Variants in DZANK1 observed in about 807,000 individuals in gnomAD.
DZANK1 encodes the protein double zinc ribbon and ankyrin repeat-containing protein 1.
In DZANK1, 91 loss-of-function variants were observed where a neutral mutation model predicts 94.5. The observed-to-expected ratio is 0.96, with a 90% CI of 0.81 to 1.15. The LOEUF is 1.15. Ranked by LOEUF, DZANK1 falls within the 50% of genes most tolerant of loss-of-function variation. The pLI is 0.00. For synonymous variants in DZANK1, 312 were observed against 325.3 expected (o/e 0.96, Z 0.44); for missense variants, 903 against 916.4 (o/e 0.99, Z 0.19).
intron 9 of DZANK1, among the ~76,000 whole-genome samples, chr20:18,427,553 T>C (rs191070436): frequency 9.2e-5 from 14 of 152,210 alleles, no homozygotes; most frequent in African/African-American, 3.1e-4. Context: ...AAAGTATTCG[T>C]TTGGTTTTCA....
intron 9 of DZANK1, chr20:18,433,449 G>C: frequency 1.9e-6 from 1 of 520,070 alleles, no homozygotes; most frequent in East Asian, 3.5e-5. Context: ...GGCTGAGGCA[G>C]GAGAATCACT....
In DZANK1 at chr20:18,452,716, C is replaced by A. The variant is rs758329893; in HGVS notation, c.476-34G>T. ...TGAAGATCTTTCAAAGTTTTAGGGTCAGTTCTTTCACCTACCTGGACGTCT... is the reference window on the plus strand; with the variant it reads ...TGAAGATCTTTCAAAGTTTTAGGGTAAGTTCTTTCACCTACCTGGACGTCT... On this transcript the variant is annotated intron_variant, in intron 5 of 20. Transcript: ENST00000262547. The A allele has an allele frequency of 5.7e-6, 9 of 1,591,672 alleles. No homozygotes were observed. In the Admixed American group the frequency reaches 1.6e-4, roughly 28 times the overall value.
chr20:18,416,424 T>C (rs918744229), intron 10 of DZANK1, among the ~76,000 whole-genome samples: 2 of 152,178 alleles, frequency 1.3e-5, no homozygotes, highest in Non-Finnish European at 2.9e-5. Flanking sequence ...AATTTCACTT[T>C]TATTCCCCGC....
At chr20:18,466,427 A>C (rs1406213677) in intron 1 of DZANK1, among the ~76,000 whole-genome samples, 1 of 152,120 alleles carries the variant, frequency 6.6e-6, no homozygotes, top group Non-Finnish European at 1.5e-5. Flanking sequence ...GGGGTACCTA[A>C]ATTTAAGGGG....
At chr20:18,393,652 A>C in intron 17 of DZANK1, 59 bp downstream of exon 17, 1 of 1,179,438 alleles carries the variant, frequency 8.5e-7, no homozygotes, top group East Asian at 2.4e-5. Flanking sequence ...AGGTCAAAAT[A>C]AAACCTGAAA....
chr20:18,428,600 T>C (rs1239119540), intron 9 of DZANK1: 1 of 152,270 alleles, frequency 6.6e-6, no homozygotes, highest in African/African-American at 2.4e-5. Flanking sequence ...AGAGGTTTTC[T>C]AACACGTTTA....
At chr20:18,387,908 C>T (rs1030776658) in intron 19 of DZANK1, among the ~76,000 whole-genome samples, 2 of 152,162 alleles carry the variant, frequency 1.3e-5, no homozygotes, top group Admixed American at 6.5e-5. Flanking sequence ...AGGAACAACT[C>T]GCTGAGCCTC....
At chr20:18,445,741 C>CA (rs1025575036) in intron 7 of DZANK1, among the ~76,000 whole-genome samples, 3 of 151,826 alleles carry the variant, frequency 2.0e-5, no homozygotes, top group Non-Finnish European at 4.4e-5. Context: ...ACCCCTGCCA[C>CA]AAAAAAATAT....
chr20:18,460,075 G>T (rs2059421834), intron 3 of DZANK1, 78 bp downstream of exon 3: 3 of 1,107,050 alleles, frequency 2.7e-6, no homozygotes, highest in Non-Finnish European at 3.7e-6. Flanking sequence ...CACTGATTCT[G>T]ATAGGAAAAA....
chr20:18,398,494 T>C (rs745687904), intron 14 of DZANK1, 29 bp downstream of exon 14: 12 of 1,605,750 alleles, frequency 7.5e-6, no homozygotes, highest in South Asian at 2.2e-5. Flanking sequence ...CCGTGGACAC[T>C]TGTGGAGTGG....
chr20:18,412,001 C>G (rs2057280017), intron 13 of DZANK1, among the ~76,000 whole-genome samples: 1 of 152,146 alleles, frequency 6.6e-6, no homozygotes, highest in Non-Finnish European at 1.5e-5. Flanking sequence ...AGGCACTGAT[C>G]TATTCATGAG....
chr20:18,388,764 G>A (rs1178410233), intron 19 of DZANK1, among the ~76,000 whole-genome samples: 1 of 152,194 alleles, frequency 6.6e-6, no homozygotes, highest in Non-Finnish European at 1.5e-5. Flanking sequence ...GGGGGTAGAA[G>A]CTATTAAAAT....
chr20:18,462,411 T>C (rs192248504), intron 2 of DZANK1, among the ~76,000 whole-genome samples: 69 of 152,304 alleles, frequency 4.5e-4, no homozygotes, highest in African/African-American at 1.4e-3. Flanking sequence ...TATTTTCATA[T>C]GTTTAAGAGA....
chr20:18,440,975 T>C (rs1028306182), intron 8 of DZANK1, among the ~76,000 whole-genome samples: 3 of 152,196 alleles, frequency 2.0e-5, no homozygotes, highest in South Asian at 4.1e-4. Context: ...AATATAACCC[T>C]GGAGCTACAA....
chr20:18,393,917 C>T (rs1030219455), intron 16 of DZANK1, 106 bp from the exon 17 acceptor site: 2 of 769,826 alleles, frequency 2.6e-6, no homozygotes, highest in Middle Eastern at 2.4e-4. Context: ...GATAAAATGG[C>T]TATCATAGAA....
At chr20:18,412,990 G>A in intron 12 of DZANK1, 137 bp from the exon 13 acceptor site, 1 of 806,330 alleles carries the variant, frequency 1.2e-6, no homozygotes, top group Non-Finnish European at 1.9e-6. Context: ...GGGTTTTCCA[G>A]CCTTTGCCTC....
chr20:18,439,532 A>C (rs995319873), intron 8 of DZANK1, among the ~76,000 whole-genome samples: 3 of 152,154 alleles, frequency 2.0e-5, no homozygotes, highest in Non-Finnish European at 4.4e-5. Flanking sequence ...CCTCTTACTG[A>C]AACATCATTA....
intron 3 of DZANK1, among the ~76,000 whole-genome samples, chr20:18,456,933 A>G (rs1275444278): frequency 1.3e-5 from 2 of 152,126 alleles, no homozygotes; most frequent in African/African-American, 4.8e-5. Context: ...TGAGGAGTGG[A>G]ATTGTTGGGT....
intron 3 of DZANK1, 98 bp from the exon 4 acceptor site, chr20:18,455,459 C>T: frequency 1.3e-6 from 1 of 759,048 alleles, no homozygotes; most frequent in Non-Finnish European, 2.2e-6. Flanking sequence ...CTTAGTCTAG[C>T]TACTAAATTT....
Sources: gnomAD v4.1 joint callset for allele counts (sites outside exome capture counted in the v4.1 genomes callset) on GRCh38, gnomAD v4.1.1 for gene constraint, MANE v1.5 for transcripts, NCBI Gene and HGNC (gene_info 2026-07-23, HGNC 2026-07-21) for gene names.